The following KDM4A variants were observed in gnomAD, a reference collection of about 807,000 sequenced individuals.
KDM4A encodes lysine demethylase 4A, also known as lysine-specific demethylase 4A.
Under a neutral mutation model 127.1 loss-of-function variants are expected in KDM4A, and 23 were observed. That is an observed-to-expected ratio of 0.18 (90% CI 0.13 to 0.26). The LOEUF (loss-of-function observed/expected upper bound fraction) is 0.26, where lower values mean the gene tolerates loss of function less well. Among genes scored for constraint, KDM4A ranks in the 10% least tolerant of loss-of-function variants. The pLI is 1.00. For missense variants in KDM4A, 890 were observed against 1,329.1 expected, an observed-to-expected ratio of 0.67 and a Z score of 5.14; for synonymous variants, 443 against 466.5, an observed-to-expected ratio of 0.95 and a Z score of 0.65.
rs1661179538 is a variant in KDM4A at position 43,693,935 on chromosome 1, GAGA to G, written c.2376-56_2376-54del. Reference sequence around the variant, plus strand: ...GGAAGCGCTGTCAGCAGGCCCAAAAGAGAAGGCCACAGAGCCTTGGGCCCAGAG... The same window carrying G: ...GGAAGCGCTGTCAGCAGGCCCAAAAGAGGCCACAGAGCCTTGGGCCCAGAG... On this transcript the variant is annotated intron_variant, in intron 16 of 21. Transcript: ENST00000372396. This position sits in a 1 kb window ranked among gnomAD's most constrained non-coding sequence, Gnocchi z 4.2. 14 of 1,439,740 alleles carry G rather than the reference GAGA, an allele frequency of 9.7e-6. No homozygotes were observed. The highest frequency in any genetic ancestry group is 8.1e-5 in the South Asian group (7 of 86,812). The allele number at this position is 1,439,740 out of a possible 1,614,324, so 89.2% of individuals were successfully genotyped here. A position where few individuals can be genotyped will look rare whatever the true frequency, so the allele number is the denominator to read the frequency against.
intron 12 of KDM4A, among the ~76,000 whole-genome samples, chr1:43,684,797 G>A (rs1367780702): frequency 6.6e-6 from 1 of 152,198 alleles, no homozygotes; most frequent in Admixed American, 6.5e-5. Context: ...TCCTAGTGCT[G>A]GCATCTTGAG....
intron 3 of KDM4A, among the ~76,000 whole-genome samples, chr1:43,656,535 G>A (rs1376991184): frequency 6.6e-6 from 1 of 151,130 alleles, no homozygotes; most frequent in Non-Finnish European, 1.5e-5. Flanking sequence ...ACAGGGTTTC[G>A]CCACATTGGC....
chr1:43,692,969 G>A (rs1024238814), intron 16 of KDM4A, among the ~76,000 whole-genome samples: 4 of 152,216 alleles, frequency 2.6e-5, no homozygotes, highest in Non-Finnish European at 4.4e-5. Context: ...TCAGTGCTGA[G>A]TATCCTGCTT....
At chr1:43,682,042 C>A (rs1660871030) in intron 11 of KDM4A, among the ~76,000 whole-genome samples, 2 of 152,194 alleles carry the variant, frequency 1.3e-5, no homozygotes, top group Non-Finnish European at 2.9e-5. Context: ...AGTCTCAGCT[C>A]ACTGCAGCCT....
Position 43,704,778 on chromosome 1 carries a change from TGTGTGTGC to T in KDM4A, c.*412_*419del. On this transcript the variant is annotated 3_prime_UTR_variant, in exon 22 of 22. Transcript: ENST00000372396. The stretch of plus-strand genomic sequence containing the variant: ...CTACTTTTGTATTTATATGTGTGTG[TGTGTGTGC>T]GTGCGTGCGTGCGTGCGTGTATGTT... 4.7e-6 allele frequency: 1 copy of T among 213,494 alleles called. No individual in the cohort carries two copies. The highest frequency in any genetic ancestry group is 9.4e-6 in the Non-Finnish European group (1 of 106,396). The allele number at this position is 213,494 out of a possible 1,614,324, so 13.2% of individuals were successfully genotyped here. A position where few individuals can be genotyped will look rare whatever the true frequency, so the allele number is the denominator to read the frequency against.
In KDM4A at chr1:43,697,856, C is replaced by A. The variant is rs1165174165; in HGVS notation, c.2684C>A (p.Ala895Asp). Residue 895 changes from alanine to aspartate, a missense_variant, in exon 19 of 22, where the codon GCC (alanine) becomes GAC (aspartate). Around this residue, in one of 7 missense-constraint regions of KDM4A, gnomAD observed 246 missense variants for 418.4 expected, o/e 0.59. Transcript: ENST00000372396. ...KIPNLERAKG[A>D]LQSITAGQKV... is the part of the protein sequence containing the mutation. ...GTTTTTTTCCAGCGTGCCAAGGGGG[C>A]CTTGCAAAGCATCACTGCAGGCCAG... 7.4e-6 allele frequency: 12 copies of A among 1,612,412 alleles called. No homozygotes were observed. The highest frequency in any genetic ancestry group is 1.1e-5 in the South Asian group (1 of 90,994).
In KDM4A at chr1:43,671,806, T is replaced by G; in HGVS notation, c.1665T>G (p.Thr555=). The part of the protein sequence containing the change: ...HSYAKGDGRV[T]VGEPCTRKKG... ...ATGCCAAAGGGGATGGCAGGGTCAC[T>G]GTGGGAGAGCCATGCACGAGGAAGA... is the stretch of plus-strand genomic sequence containing the variant. Residue 555 remains threonine (T), a synonymous_variant, in exon 11 of 22, where the codon ACT becomes ACG. Transcript: ENST00000372396. The G allele has an allele frequency of 6.2e-7, 1 of 1,607,646 alleles. No individual in the cohort carries two copies. The highest frequency in any genetic ancestry group is 8.5e-7 in the Non-Finnish European group (1 of 1,176,966).
At chr1:43,701,757 G>A (rs1326665066) in intron 19 of KDM4A, among the ~76,000 whole-genome samples, 1 of 152,170 alleles carries the variant, frequency 6.6e-6, no homozygotes, top group Non-Finnish European at 1.5e-5. Context: ...CAAAGTGAGG[G>A]ATTACAGGCA....
chr1:43,679,830 C>T (rs2154047880), intron 11 of KDM4A, among the ~76,000 whole-genome samples: 1 of 152,308 alleles, frequency 6.6e-6, no homozygotes, highest in East Asian at 1.9e-4. Context: ...CTAACCTTGA[C>T]CCTGGTGCCA....
intron 15 of KDM4A, 38 bp from the exon 16 acceptor site, chr1:43,692,218 G>A (rs775750113): frequency 1.7e-5 from 27 of 1,584,400 alleles, no homozygotes; most frequent in Admixed American, 3.3e-5. Flanking sequence ...TAATGACTTG[G>A]TATTAACCAC....
At chr1:43,657,750 C>CTTTT (rs140666245) in intron 3 of KDM4A, among the ~76,000 whole-genome samples, 7 of 116,456 alleles carry the variant, frequency 6.0e-5, no homozygotes, top group African/African-American at 1.1e-4. Flanking sequence ...TTTTTCTTTT[C>CTTTT]TTTTTTTTTT....
intron 11 of KDM4A, among the ~76,000 whole-genome samples, chr1:43,680,151 A>G (rs994931297): frequency 8.5e-5 from 13 of 152,148 alleles, no homozygotes; most frequent in Non-Finnish European, 4.4e-5. Context: ...AGATGAGGAA[A>G]TGTGAAAAGA....
At position 43,689,015 on chromosome 1, in the gene KDM4A, G is replaced by A. The variant is rs779021295; in HGVS notation, c.1957G>A (p.Ala653Thr). 2.1e-5 allele frequency: 34 copies of A among 1,614,122 alleles called. No individual in the cohort carries two copies. Residue 653 changes from alanine to threonine, a missense_variant, in exon 13 of 22, where the codon GCT becomes ACT. This residue lies in a region of KDM4A where 389 missense variants were observed against 485.9 expected (regional missense o/e 0.80). Coordinates refer to ENST00000372396, the MANE Select transcript of KDM4A (RefSeq NM_014663.3). ...GCAGAACCGACCTCCAAACTTTGAG[G>A]CTGAGAAGGAATTCAATGAGACCAT... ...LWQNRPPNFE[A>T]EKEFNETMAQ...
At chr1:43,704,182 G>A (rs201384030) in intron 21 of KDM4A, 48 bp from the exon 22 acceptor site, 47 of 1,613,752 alleles carry the variant, frequency 2.9e-5, no homozygotes, top group Non-Finnish European at 4.0e-5. Flanking sequence ...GCATCCCTTT[G>A]TATTGTTCCT....
chr1:43,657,232 C>T (rs190312205), intron 3 of KDM4A, among the ~76,000 whole-genome samples: 1 of 151,636 alleles, frequency 6.6e-6, no homozygotes, highest in East Asian at 1.9e-4. Context: ...GAGACAGAAT[C>T]TCGCTCTGTC....
At chr1:43,682,483 C>T (rs994302086) in intron 11 of KDM4A, among the ~76,000 whole-genome samples, 6 of 152,200 alleles carry the variant, frequency 3.9e-5, no homozygotes, top group Non-Finnish European at 8.8e-5. Context: ...CCCTGATATC[C>T]TCACTCCACC....
At chr1:43,683,566 TTA>T (rs1360147087) in intron 11 of KDM4A, 116 bp from the exon 12 acceptor site, 47 of 1,184,138 alleles carry the variant, frequency 4.0e-5, no homozygotes, top group East Asian at 2.4e-4. Context: ...CTGTTTGGTA[TTA>T]TATGTCTTTT....
intron 15 of KDM4A, among the ~76,000 whole-genome samples, chr1:43,691,948 G>T (rs1395383503): frequency 6.6e-6 from 1 of 152,210 alleles, no homozygotes; most frequent in African/African-American, 2.4e-5. Flanking sequence ...CATATAAGAA[G>T]CAGTCAGAGC....
chr1:43,655,525 C>A (rs1209413792), intron 2 of KDM4A, 66 bp from the exon 3 acceptor site: 1 of 1,421,524 alleles, frequency 7.0e-7, no homozygotes, highest in Middle Eastern at 2.6e-4. Flanking sequence ...TAACTACATG[C>A]TTCCTGGACT....
Sources: allele counts gnomAD v4.1 joint callset (sites outside exome capture counted in the v4.1 genomes callset), GRCh38; gene constraint gnomAD v4.1.1; regional missense constraint gnomAD v4.1.1; non-coding constraint Gnocchi (gnomAD v3.1); transcripts MANE v1.5; gene names NCBI Gene and HGNC (gene_info 2026-07-23, HGNC 2026-07-21).